MTCL1: variants seen among roughly 807,000 people sequenced by gnomAD.
MTCL1 encodes the protein microtubule crosslinking factor 1.
In MTCL1, 79 loss-of-function variants were observed where a neutral mutation model predicts 141.4. The ratio of observed to expected loss-of-function variants is 0.56; its 90% CI spans 0.47 to 0.67. The LOEUF (loss-of-function observed/expected upper bound fraction) is 0.67, where lower values mean the gene tolerates loss of function less well. Ranked by LOEUF, MTCL1 falls within the 30% of genes least tolerant of loss-of-function variation. The pLI is 0.00. For synonymous variants in MTCL1, 914 were observed against 875.8 expected (o/e 1.04, Z -0.77); for missense variants, 2,177 against 2,113.9 (o/e 1.03, Z -0.59).
intron 4 of MTCL1, among the ~76,000 whole-genome samples, chr18:8,762,258 G>C (rs2096436091): frequency 1.3e-5 from 2 of 152,212 alleles, no homozygotes; most frequent in African/African-American, 4.8e-5. Context: ...GCATCCTCTT[G>C]CTGTCATGAG....
chr18:8,768,390 T>A (rs1005612350), intron 4 of MTCL1, among the ~76,000 whole-genome samples: 1 of 152,234 alleles, frequency 6.6e-6, no homozygotes, highest in Non-Finnish European at 1.5e-5. Context: ...TCACTGAGTT[T>A]TGACAACTGT....
chr18:8,721,506 C>T (rs1016954744), intron 4 of MTCL1, among the ~76,000 whole-genome samples: 1 of 152,258 alleles, frequency 6.6e-6, no homozygotes, highest in Non-Finnish European at 1.5e-5. Context: ...GCCCCCACCC[C>T]TCTTCTCACA....
At chr18:8,805,501 T>C (rs1369819685) in intron 10 of MTCL1, among the ~76,000 whole-genome samples, 1 of 152,222 alleles carries the variant, frequency 6.6e-6, no homozygotes, top group East Asian at 1.9e-4. Context: ...GTATCTTAAA[T>C]TCCTCCCATA....
At chr18:8,811,535 ATATATATC>A (rs1257723528) in intron 11 of MTCL1, among the ~76,000 whole-genome samples, 3 of 152,046 alleles carry the variant, frequency 2.0e-5, no homozygotes, top group African/African-American at 4.8e-5. Context: ...ATATATACAT[ATATATATC>A]TATGGTCTCA....
chr18:8,820,192 G>A (rs1391545660), intron 13 of MTCL1, among the ~76,000 whole-genome samples: 4 of 152,160 alleles, frequency 2.6e-5, no homozygotes, highest in South Asian at 2.1e-4. Flanking sequence ...GGCGGATCAC[G>A]AGGTCAGGAG....
At chr18:8,784,799 T>A (rs1322328169) in exon 6 of MTCL1, 1 of 1,608,110 alleles carries the variant, frequency 6.2e-7, no homozygotes, top group Non-Finnish European at 8.5e-7. Flanking sequence ...GTCCCGGGAC[T>A]CCCCCATCGG....
intron 12 of MTCL1, 130 bp from the exon 12 acceptor site, chr18:8,818,833 A>T: frequency 1.1e-6 from 1 of 934,680 alleles, no homozygotes; most frequent in Non-Finnish European, 1.6e-6. Context: ...GAACTTTAAG[A>T]ACATTTGCTT....
chr18:8,790,110 G>A (rs962770204), intron 7 of MTCL1, among the ~76,000 whole-genome samples: 5 of 152,172 alleles, frequency 3.3e-5, no homozygotes, highest in East Asian at 1.9e-4. Context: ...AGGTGAGTCC[G>A]ACTTCCCCAG....
In MTCL1 at chr18:8,779,097, C is replaced by T. The variant is rs373018780; in HGVS notation, c.417+1205C>T. On this transcript the variant is annotated intron_variant, in intron 5 of 16. Transcript: ENST00000359865. The surrounding 1 kb of genome is among the most constrained non-coding windows in gnomAD (Gnocchi z 4.1). The stretch of plus-strand genomic sequence containing the variant: ...GCAACCAAAACCCAAAGGAAGCTGG[C>T]GCCCCGGCGCAAGGTAGGCACGTGG... Among the ~76,000 whole-genome samples the T allele has an allele frequency of 3.3e-5, 5 of 152,242 alleles. No individual in the cohort carries two copies. The South Asian group carries it at 6.2e-4, about 19-fold the overall frequency.
chr18:8,801,312 CT>C lies in MTCL1; in HGVS notation c.2436+3036del, dbSNP rs34443749. Among the ~76,000 whole-genome samples the C allele has an allele frequency of 1.4e-3, 196 of 143,230 alleles. 1 individual carries two copies. The highest frequency in any genetic ancestry group is 3.6e-3 in the Middle Eastern group (1 of 278). The allele number at this position is 143,230 out of a possible 152,430, so 94.0% of individuals were successfully genotyped here. ...CACATCAGAACTGTGATCTGCCTGA[CT>C]TTTTTTTTTTTTTTAATTAGAAAGT... is the stretch of plus-strand genomic sequence containing the variant. On this transcript the variant is annotated intron_variant, in intron 10 of 16. Coordinates refer to ENST00000359865, the Ensembl canonical transcript of MTCL1.
chr18:8,772,172 G>C (rs191041303), intron 4 of MTCL1, among the ~76,000 whole-genome samples: 173 of 152,360 alleles, frequency 1.1e-3, no homozygotes, highest in African/African-American at 4.1e-3. Flanking sequence ...GCCTGGAGTT[G>C]TGTAATGCAG....
chr18:8,739,753 G>A (rs1385219807), intron 4 of MTCL1, among the ~76,000 whole-genome samples: 1 of 151,804 alleles, frequency 6.6e-6, no homozygotes, highest in Non-Finnish European at 1.5e-5. Context: ...TTTTTTTTGA[G>A]ATGGAGTCTT....
chr18:8,791,040 G>C (rs894057813), intron 7 of MTCL1, among the ~76,000 whole-genome samples: 2 of 152,184 alleles, frequency 1.3e-5, no homozygotes, highest in African/African-American at 4.8e-5. Context: ...AAAGAACTGA[G>C]AACCAGAGTG....
chr18:8,778,065 C>T (rs2096518523), intron 5 of MTCL1, 173 bp downstream of exon 4: 1 of 518,390 alleles, frequency 1.9e-6, no homozygotes, highest in Non-Finnish European at 3.3e-6. Flanking sequence ...CTTTGCAAAC[C>T]CACAGCTCCT....
At position 8,809,218 on chromosome 18, in the gene MTCL1, C is replaced by T. The variant is rs75917818; in HGVS notation, c.2604+2158C>T. On this transcript the variant is annotated intron_variant, in intron 11 of 16. Coordinates refer to ENST00000359865, the Ensembl canonical transcript of MTCL1. Reference sequence around the variant, plus strand: ...AGAATGGATTAGGAGCCATTAGAATCGAATGGATTAACCTGGGGTTAATGG... The same window carrying T: ...AGAATGGATTAGGAGCCATTAGAATTGAATGGATTAACCTGGGGTTAATGG... Among the ~76,000 whole-genome samples, 752 of 152,224 alleles carry T rather than the reference C, an allele frequency of 4.9e-3. 5 individuals carry two copies. Among genetic ancestry groups the T allele is most frequent in the South Asian group, 0.016 (75 of 4,828 alleles).
chr18:8,831,237 C>G, intron 16 of MTCL1: 1 of 1,043,796 alleles, frequency 9.6e-7, no homozygotes, highest in South Asian at 3.7e-5. Context: ...TACAAAAGGG[C>G]CAAATGAACA....
chr18:8,807,747 A>G (rs1383372680), intron 11 of MTCL1, among the ~76,000 whole-genome samples: 4 of 152,178 alleles, frequency 2.6e-5, no homozygotes, highest in Non-Finnish European at 2.9e-5. Context: ...CTTGGAAACC[A>G]TTGAATGTCA....
At chr18:8,831,704 A>G (rs1314962048) in exon 17 of MTCL1, 2 of 1,550,576 alleles carry the variant, frequency 1.3e-6, no homozygotes, top group Middle Eastern at 1.7e-4. Flanking sequence ...TGGGCCCCAC[A>G]TTCCCCCACT....
intron 1 of MTCL1, among the ~76,000 whole-genome samples, chr18:8,709,462 A>C (rs1238677550): frequency 1.3e-5 from 2 of 152,164 alleles, no homozygotes; most frequent in East Asian, 3.9e-4. Context: ...CCAAAGTGCT[A>C]GGATTACAAG....
Sources: gnomAD v4.1 joint callset for allele counts (sites outside exome capture counted in the v4.1 genomes callset) on GRCh38, gnomAD v4.1.1 for gene constraint, Gnocchi (gnomAD v3.1) non-coding constraint, MANE v1.5 for transcripts, NCBI Gene and HGNC (gene_info 2026-07-23, HGNC 2026-07-21) for gene names.